The following EMP2 variants were observed in gnomAD, a reference collection of about 807,000 sequenced individuals.
EMP2 encodes the protein epithelial membrane protein 2.
In EMP2, 19 loss-of-function variants were observed where a neutral mutation model predicts 13.7. The observed-to-expected ratio is 1.38, with a 90% CI of 0.97 to 2.03. The LOEUF (loss-of-function observed/expected upper bound fraction) is 2.03. Among genes scored for constraint, EMP2 ranks in the 30% most tolerant of loss-of-function variants. The pLI, the probability that EMP2 is intolerant of heterozygous loss-of-function variation, is 0.00. For missense variants in EMP2, 253 were observed against 220.7 expected (o/e 1.15, Z -0.93); for synonymous variants, 97 against 84.7 (o/e 1.15, Z -0.80).
rs146155902 is a variant in EMP2, at chr16:10,580,130, G to T, written c.-61+419C>A. ...GCCTAGAGGGGTACGCAGCCCAGGA[G>T]GACCCGCTGGCCCGGCCTGGCGCAC... On this transcript the variant is annotated intron_variant, in intron 1 of 4. Transcript: ENST00000359543. This position sits in a 1 kb window ranked among gnomAD's most constrained non-coding sequence, Gnocchi z 4.3. Among the ~76,000 whole-genome samples, 3 of 152,160 alleles carry T rather than the reference G, an allele frequency of 2.0e-5. No individual in the cohort carries two copies. The highest frequency in any genetic ancestry group is 2.0e-4 in the Admixed American group (3 of 15,280).
intron 4 of EMP2, among the ~76,000 whole-genome samples, chr16:10,535,087 C>T (rs1411806287): frequency 6.6e-6 from 1 of 152,172 alleles, no homozygotes; most frequent in Non-Finnish European, 1.5e-5. Context: ...CCTGGTTTTT[C>T]AGCTTTTCCT....
rs569498665 is a variant in EMP2, at chr16:10,564,376, A to C, written c.-61+16173T>G. ...TGTGGTGGCAGGCACCTGTAATCCC[A>C]GCTACTTGGGAGGCTGAGGCAGGAG... On this transcript the variant is annotated intron_variant, in intron 1 of 4. Coordinates refer to ENST00000359543, the MANE Select transcript of EMP2 (RefSeq NM_001424.6). Among the ~76,000 whole-genome samples the C allele has an allele frequency of 5.3e-5, 8 of 151,488 alleles. No individual in the cohort carries two copies. In the South Asian group the frequency reaches 1.7e-3, roughly 32 times the overall value.
chr16:10,558,478 AGTGTGTGTGT>A (rs61441812), intron 1 of EMP2, among the ~76,000 whole-genome samples: 23 of 149,970 alleles, frequency 1.5e-4, no homozygotes, highest in Middle Eastern at 3.4e-3. Context: ...GTTTGCTTAA[AGTGTGTGTGT>A]GTGTGTGTGT....
chr16:10,564,490 CAAAAAAAAAAA>C (rs34683301), intron 1 of EMP2, among the ~76,000 whole-genome samples: 4 of 70,884 alleles, frequency 5.6e-5, no homozygotes, highest in Non-Finnish European at 8.6e-5. Context: ...GACTCTGTCT[CAAAAAAAAAAA>C]AAAAAAAAAA....
chr16:10,549,883 C>CTTTTTTTTTT (rs59259895), intron 1 of EMP2, among the ~76,000 whole-genome samples: 9 of 112,272 alleles, frequency 8.0e-5, no homozygotes, highest in African/African-American at 1.2e-4. Context: ...TTTTCTTTTT[C>CTTTTTTTTTT]TTTTTTTTTT....
chr16:10,569,798 G>A (rs149229691), intron 1 of EMP2, among the ~76,000 whole-genome samples: 9 of 152,284 alleles, frequency 5.9e-5, no homozygotes, highest in African/African-American at 1.7e-4. Flanking sequence ...TGGGTGTGTC[G>A]ATGATTAAGC....
Position 10,557,521 on chromosome 16 carries a change from C to G in EMP2, c.-60-9844G>C, listed in dbSNP as rs565874883. ...GGTTTGGATTATGGATAAAGTTTTTCCTTGGTATCTAAAAGGAACTAAGCA... is the reference window on the plus strand; with the variant it reads ...GGTTTGGATTATGGATAAAGTTTTTGCTTGGTATCTAAAAGGAACTAAGCA... On this transcript the variant is annotated intron_variant, in intron 1 of 4. Coordinates refer to ENST00000359543, the MANE Select transcript of EMP2 (RefSeq NM_001424.6). 2.0e-4 allele frequency among the ~76,000 whole-genome samples: 31 copies of G among 152,178 alleles called. 1 individual carries two copies. In the East Asian group the frequency reaches 5.6e-3, roughly 27 times the overall value.
At chr16:10,564,447 C>A (rs753084155) in intron 1 of EMP2, among the ~76,000 whole-genome samples, 2 of 145,104 alleles carry the variant, frequency 1.4e-5, no homozygotes, top group South Asian at 2.2e-4. Context: ...GCTGAGATTG[C>A]GCCACTGCAC....
chr16:10,552,928 T>C (rs1237079371), intron 1 of EMP2, among the ~76,000 whole-genome samples: 2 of 152,188 alleles, frequency 1.3e-5, no homozygotes, highest in Non-Finnish European at 2.9e-5. Context: ...AGGTTTCTAG[T>C]ACATGTAAAG....
In EMP2 at chr16:10,547,574, G is replaced by C; in HGVS notation, c.44C>G (p.Ser15Cys). The C allele has an allele frequency of 6.2e-7, 1 of 1,614,210 alleles. No individual in the cohort carries two copies. Among genetic ancestry groups the C allele is most frequent in the Non-Finnish European group, 8.5e-7 (1 of 1,180,042 alleles). Residue 15 changes from serine to cysteine, a missense_variant, in exon 2 of 5, where the codon TCT becomes TGT. Transcript: ENST00000359543. ...LAFIIAFHIT[S>C]AALLFIATVD... ...GGTGGCAATGAACAGCAAGGCTGCA[G>C]AGGTGATGTGGAAGGCGATGATGAA...
intron 1 of EMP2, among the ~76,000 whole-genome samples, chr16:10,557,783 A>G (rs2050841999): frequency 6.6e-6 from 1 of 152,256 alleles, no homozygotes; most frequent in African/African-American, 2.4e-5. Context: ...ATAATATAGA[A>G]CACAGGAAAT....
In EMP2 at chr16:10,532,941, G is replaced by T; in HGVS notation, c.468C>A (p.Ser156Arg). The stretch of plus-strand genomic sequence containing the variant: ...TCCTCAGTATCAGGTACATCATGCC[G>T]CTGATGAAGGTGCAGGCGAAGGCCA... ...AWVAFACTFI[S>R]GMMYLILRKR... Residue 156 changes from serine (S) to arginine (R), a missense_variant, in exon 5 of 5, where the codon AGC (serine) becomes AGA (arginine). By Grantham distance (110) the Ser-to-Arg change is moderately radical (BLOSUM62 -1). Transcript: ENST00000359543. 1 of 1,601,266 alleles carries T rather than the reference G, an allele frequency of 6.2e-7. No individual in the cohort carries two copies. The highest frequency in any genetic ancestry group is 8.5e-7 in the Non-Finnish European group (1 of 1,173,258).
intron 1 of EMP2, among the ~76,000 whole-genome samples, chr16:10,572,687 A>G (rs1398375850): frequency 6.6e-6 from 1 of 152,192 alleles, no homozygotes; most frequent in Non-Finnish European, 1.5e-5. Context: ...CCTGGGAGTT[A>G]GTTTCCAAAT....
chr16:10,578,811 G>A (rs1401520308), intron 1 of EMP2, among the ~76,000 whole-genome samples: 1 of 152,226 alleles, frequency 6.6e-6, no homozygotes, highest in African/African-American at 2.4e-5. Context: ...ACCCTCAGTG[G>A]GAAAACAGGT....
chr16:10,569,011 C>T (rs1426841962), intron 1 of EMP2, among the ~76,000 whole-genome samples: 1 of 152,106 alleles, frequency 6.6e-6, no homozygotes, highest in African/African-American at 2.4e-5. Flanking sequence ...TGGTCTAGAA[C>T]TCCTGACCTC....
intron 2 of EMP2, 26 bp downstream of exon 2, chr16:10,547,513 GC>G: frequency 6.2e-7 from 1 of 1,613,142 alleles, no homozygotes; most frequent in Admixed American, 1.7e-5. Flanking sequence ...CCAGGTTTCT[GC>G]GTGAGTGGCA....
chr16:10,537,793 C>T lies in EMP2; in HGVS notation c.316+135G>A, dbSNP rs776299049. 219 of 1,105,190 alleles carry T rather than the reference C, an allele frequency of 2.0e-4. No individual in the cohort carries two copies. In the Middle Eastern group the frequency reaches 4.5e-3, roughly 23 times the overall value. The allele number at this position is 1,105,190 out of a possible 1,614,324, so 68.5% of individuals were successfully genotyped here. A position where few individuals can be genotyped will look rare whatever the true frequency, so the allele number is the denominator to read the frequency against. ...ACACACACACACACGCAAACACACA[C>T]CGGCACACAGCACCGCGCGGCTGCC... is the stretch of plus-strand genomic sequence containing the variant. On this transcript the variant is annotated intron_variant, in intron 4 of 4. Transcript: ENST00000359543.
intron 1 of EMP2, among the ~76,000 whole-genome samples, chr16:10,558,367 G>A (rs918990987): frequency 3.3e-5 from 5 of 152,128 alleles, no homozygotes; most frequent in Non-Finnish European, 7.4e-5. Flanking sequence ...GAAGGATAGT[G>A]CTCCCAGAAA....
intron 1 of EMP2, among the ~76,000 whole-genome samples, chr16:10,575,236 T>TC (rs1210124065): frequency 2.8e-5 from 3 of 107,076 alleles, no homozygotes; most frequent in East Asian, 2.7e-4. Context: ...GAGCTTGCAT[T>TC]CTTTTTTTTT....
Sources: allele counts gnomAD v4.1 joint callset (sites outside exome capture counted in the v4.1 genomes callset), GRCh38; gene constraint gnomAD v4.1.1; non-coding constraint Gnocchi (gnomAD v3.1); transcripts MANE v1.5; gene names NCBI Gene and HGNC (gene_info 2026-07-23, HGNC 2026-07-21).